The following NRG2 variants were observed in gnomAD, a reference collection of about 807,000 sequenced individuals.
NRG2 encodes the protein neuregulin 2, also known as pro-neuregulin-2, membrane-bound isoform.
Under a neutral mutation model 73.9 loss-of-function variants are expected in NRG2, and 27 were observed. That is an observed-to-expected ratio of 0.37 (90% CI 0.27 to 0.50). NRG2 has a LOEUF of 0.50. Among genes scored for constraint, NRG2 ranks in the 20% least tolerant of loss-of-function variants. The pLI, the probability that NRG2 is intolerant of heterozygous loss-of-function variation, is 0.96. For missense variants in NRG2, 1,126 were observed against 1,210.1 expected (o/e 0.93, Z 1.03); for synonymous variants, 532 against 541.0 (o/e 0.98, Z 0.23).
chr5:139,918,148 T>A (rs558238666), intron 1 of NRG2, among the ~76,000 whole-genome samples: 168 of 152,280 alleles, frequency 1.1e-3, no homozygotes, highest in Non-Finnish European at 1.8e-3. Context: ...TTGCATTTTT[T>A]AAAAAATAAA....
Position 139,847,965 on chromosome 5 carries a change from G to C in NRG2, c.2505C>G (p.His835Gln). The change falls in exon 10 of 10, where the codon CAC becomes CAG. Residue 835 changes from histidine to glutamine, a missense_variant. By Grantham distance (24) the His-to-Gln change is conservative. Transcript: ENST00000361474. ...DSHSTRASSR[H>Q]SRGPPPRAKQ... is the part of the protein sequence containing the mutation. Reference sequence around the variant, plus strand: ...TGGCCCGCGGGGGCGGCCCGCGGCTGTGTCTGCTGCTGGCCCGCGTGCTGT... The same window carrying C: ...TGGCCCGCGGGGGCGGCCCGCGGCTCTGTCTGCTGCTGGCCCGCGTGCTGT... The C allele has an allele frequency of 6.6e-7, 1 of 1,511,452 alleles. No individual in the cohort carries two copies. Among genetic ancestry groups the C allele is most frequent in the Non-Finnish European group, 8.8e-7 (1 of 1,134,628 alleles). The allele number at this position is 1,511,452 out of a possible 1,614,324, so 93.6% of individuals were successfully genotyped here. A position where few individuals can be genotyped will look rare whatever the true frequency, so the allele number is the denominator to read the frequency against.
At chr5:139,858,874 G>A (rs1404855525) in intron 5 of NRG2, among the ~76,000 whole-genome samples, 1 of 152,168 alleles carries the variant, frequency 6.6e-6, no homozygotes. Context: ...ATAGACAGAT[G>A]CACTCTTACA....
At chr5:139,958,497 A>G (rs1254208500) in intron 1 of NRG2, among the ~76,000 whole-genome samples, 1 of 152,222 alleles carries the variant, frequency 6.6e-6, no homozygotes, top group East Asian at 1.9e-4. Context: ...GAAAAGGAAA[A>G]CATAACTATG....
chr5:139,987,467 T>G (rs1757257583), intron 1 of NRG2, among the ~76,000 whole-genome samples: 1 of 150,656 alleles, frequency 6.6e-6, no homozygotes, highest in Non-Finnish European at 1.5e-5. Context: ...GCTCTAAGGA[T>G]GCCCACTGCA....
intron 1 of NRG2, among the ~76,000 whole-genome samples, chr5:139,914,943 T>C (rs1409202560): frequency 2.0e-5 from 3 of 152,144 alleles, no homozygotes; most frequent in African/African-American, 4.8e-5. Context: ...CACCACAACC[T>C]TGTACCTTCC....
intron 1 of NRG2, among the ~76,000 whole-genome samples, chr5:140,028,915 A>G (rs1235309878): frequency 6.6e-6 from 1 of 152,132 alleles, no homozygotes; most frequent in African/African-American, 2.4e-5. Context: ...GGGCCTAGCC[A>G]TGGTACTGTG....
Position 139,868,530 on chromosome 5 carries a change from G to A in NRG2, c.1113-2905C>T, listed in dbSNP as rs1762638055. On this transcript the variant is annotated intron_variant, in intron 4 of 9. Coordinates refer to ENST00000361474, the MANE Select transcript of NRG2 (RefSeq NM_004883.3). This position sits in a 1 kb window ranked among gnomAD's most constrained non-coding sequence, Gnocchi z 4.2. ...ACCAGGTCATCAGTTATGACTCTGG[G>A]GAAGGTCTGTCCCCAGGGCTGGAGA... is the stretch of plus-strand genomic sequence containing the variant. Among the ~76,000 whole-genome samples the A allele has an allele frequency of 6.6e-6, 1 of 152,042 alleles. No individual in the cohort carries two copies. Among genetic ancestry groups the A allele is most frequent in the Admixed American group, 6.5e-5 (1 of 15,286 alleles).
chr5:139,875,882 T>C (rs901109533), intron 3 of NRG2, among the ~76,000 whole-genome samples: 6 of 152,198 alleles, frequency 3.9e-5, no homozygotes, highest in African/African-American at 1.2e-4. Flanking sequence ...CCGTATGCAT[T>C]GCTGGTGGGA....
intron 1 of NRG2, among the ~76,000 whole-genome samples, chr5:139,986,222 C>T (rs374620057): frequency 9.9e-5 from 15 of 152,182 alleles, no homozygotes; most frequent in African/African-American, 3.1e-4. Context: ...GAATTTCTGG[C>T]GTTAGCCTAA....
rs141996755 is a variant in NRG2, at chr5:139,897,833, A to G, written c.701-10322T>C. ...TCTGCCCTAGAATGGCAGAGCAGAT[A>G]ATGAAGTCGGGGCCCTGACTGAAAG... On this transcript the variant is annotated intron_variant, in intron 1 of 9. Transcript: ENST00000361474. 4.2e-3 allele frequency among the ~76,000 whole-genome samples: 633 copies of G among 152,236 alleles called. 4 individuals are homozygous for G. The highest frequency in any genetic ancestry group is 0.014 in the African/African-American group (589 of 41,532).
rs549091049 is a variant in NRG2, at chr5:139,956,362, C to A, written c.701-68851G>T. ...ACCCCCAACTCACAGTAATCTCCCC[C>A]CTCTCTGACTTTTGCAATTCCAGGC... On this transcript the variant is annotated intron_variant, in intron 1 of 9. Transcript: ENST00000361474. Among the ~76,000 whole-genome samples the A allele has an allele frequency of 1.3e-4, 20 of 151,524 alleles. 1 individual carries two copies. In the South Asian group the frequency reaches 3.8e-3, roughly 29 times the overall value.
chr5:139,982,374 G>A (rs1756868326), intron 1 of NRG2, among the ~76,000 whole-genome samples: 1 of 152,040 alleles, frequency 6.6e-6, no homozygotes, highest in South Asian at 2.1e-4. Context: ...TCTTTACGGT[G>A]GATCCAAACC....
intron 1 of NRG2, among the ~76,000 whole-genome samples, chr5:140,018,692 G>T (rs529087628): frequency 1.3e-5 from 2 of 152,292 alleles, no homozygotes; most frequent in Admixed American, 1.3e-4. Flanking sequence ...ATGCCAAGGT[G>T]CCAAGGACGC....
intron 1 of NRG2, among the ~76,000 whole-genome samples, chr5:139,966,693 G>C (rs1395414643): frequency 6.6e-6 from 1 of 152,136 alleles, no homozygotes; most frequent in Non-Finnish European, 1.5e-5. Context: ...GCATGGTCAG[G>C]GGTGATGAGG....
At position 139,904,419 on chromosome 5, in the gene NRG2, T is replaced by A; in HGVS notation, c.701-16908A>T. On this transcript the variant is annotated intron_variant, in intron 1 of 9. Transcript: ENST00000361474. The surrounding 1 kb of genome is among the most constrained non-coding windows in gnomAD (Gnocchi z 6.0). ...ACATTCTGCACGGGGTCCCAGGCGG[T>A]GGGACGGCCTCAGCTCTCCGCTGCC... is the stretch of plus-strand genomic sequence containing the variant. 1 of 1,427,524 alleles carries A rather than the reference T, an allele frequency of 7.0e-7. No individual in the cohort carries two copies. The highest frequency in any genetic ancestry group is 1.4e-5 in the African/African-American group (1 of 69,690). 88.4% of individuals were successfully genotyped at this position (1,427,524 alleles called of 1,614,324 possible). A position where few individuals can be genotyped will look rare whatever the true frequency, so the allele number is the denominator to read the frequency against.
At chr5:139,974,080 GA>G (rs1433490316) in intron 1 of NRG2, among the ~76,000 whole-genome samples, 1 of 151,932 alleles carries the variant, frequency 6.6e-6, no homozygotes, top group African/African-American at 2.4e-5. Context: ...GCAAAACTAG[GA>G]GCCACTTACA....
intron 1 of NRG2, among the ~76,000 whole-genome samples, chr5:139,897,257 C>T (rs530309887): frequency 6.6e-6 from 1 of 152,338 alleles, no homozygotes; most frequent in South Asian, 2.1e-4. Flanking sequence ...GCCTTCATTC[C>T]TTGTCTGTGA....
At chr5:139,866,951 C>T (rs1762506065) in intron 4 of NRG2, among the ~76,000 whole-genome samples, 1 of 152,338 alleles carries the variant, frequency 6.6e-6, no homozygotes, top group Non-Finnish European at 1.5e-5. Flanking sequence ...CCCACATCTC[C>T]CTACTCAGAG....
chr5:140,024,635 T>C (rs900368763), intron 1 of NRG2, among the ~76,000 whole-genome samples: 18 of 152,146 alleles, frequency 1.2e-4, no homozygotes, highest in Non-Finnish European at 2.4e-4. Context: ...CTCTTCATCA[T>C]TTCCCCACGC....
Sources: allele counts gnomAD v4.1 joint callset (sites outside exome capture counted in the v4.1 genomes callset), GRCh38; gene constraint gnomAD v4.1.1; non-coding constraint Gnocchi (gnomAD v3.1); transcripts MANE v1.5; gene names NCBI Gene and HGNC (gene_info 2026-07-23, HGNC 2026-07-21).